Variants in CLOCK observed in about 807,000 individuals in gnomAD.
CLOCK encodes circadian locomoter output cycles protein kaput.
Under a neutral mutation model 118.4 loss-of-function variants are expected in CLOCK, and 43 were observed. The ratio of observed to expected loss-of-function variants is 0.36; its 90% CI spans 0.28 to 0.47. CLOCK has a LOEUF of 0.47. Among genes scored for constraint, CLOCK ranks in the 20% least tolerant of loss-of-function variants. The pLI is 1.00. For missense variants in CLOCK, 846 were observed against 999.9 expected (o/e 0.85, Z 2.08); for synonymous variants, 326 against 339.2 (o/e 0.96, Z 0.43).
chr4:55,503,608 CAA>C (rs1201782962), intron 2 of CLOCK, among the ~76,000 whole-genome samples: 2 of 151,178 alleles, frequency 1.3e-5, no homozygotes. Context: ...AAAGAGTAAA[CAA>C]AAAAAAGTTA....
intron 3 of CLOCK, among the ~76,000 whole-genome samples, chr4:55,488,027 A>G (rs1727411263): frequency 6.6e-6 from 1 of 152,114 alleles, no homozygotes; most frequent in Admixed American, 6.6e-5. Context: ...ATCACTCTTA[A>G]TTAGGCTTTC....
chr4:55,451,214 C>T (rs1034290212), intron 15 of CLOCK, among the ~76,000 whole-genome samples: 7 of 152,152 alleles, frequency 4.6e-5, no homozygotes, highest in African/African-American at 1.2e-4. Flanking sequence ...TGCTACTCCA[C>T]AAAATCTGTT....
chr4:55,543,900 C>G (rs1002913210), intron 1 of CLOCK, among the ~76,000 whole-genome samples: 2 of 151,972 alleles, frequency 1.3e-5, no homozygotes, highest in Non-Finnish European at 2.9e-5. Flanking sequence ...ACATATCAAA[C>G]AGAAATAATA....
intron 15 of CLOCK, among the ~76,000 whole-genome samples, chr4:55,450,692 TGAG>T (rs1025865174): frequency 2.0e-5 from 3 of 151,406 alleles, no homozygotes; most frequent in African/African-American, 7.3e-5. Flanking sequence ...TTCCCTGAAC[TGAG>T]GAGGCGGAGG....
chr4:55,468,806 G>C (rs549648873), intron 8 of CLOCK, among the ~76,000 whole-genome samples: 1 of 152,308 alleles, frequency 6.6e-6, no homozygotes, highest in South Asian at 2.1e-4. Context: ...AAAGTGGTAA[G>C]ACCTTGCACT....
At chr4:55,525,859 T>C (rs1730147605) in intron 1 of CLOCK, among the ~76,000 whole-genome samples, 1 of 96,660 alleles carries the variant, frequency 1.0e-5, no homozygotes, top group Non-Finnish European at 2.0e-5. Context: ...AGTCCTTCCA[T>C]AGTTAGAACT....
intron 7 of CLOCK, among the ~76,000 whole-genome samples, chr4:55,474,807 G>C (rs1173057581): frequency 6.6e-6 from 1 of 152,180 alleles, no homozygotes; most frequent in Non-Finnish European, 1.5e-5. Context: ...CCACTGTTGA[G>C]ACCTACTGGT....
In CLOCK at chr4:55,432,475, T is replaced by C. The variant is rs966549032; in HGVS notation, c.*2940A>G. 15 of 25,422 alleles carry C rather than the reference T, an allele frequency of 5.9e-4. No individual in the cohort carries two copies. Among genetic ancestry groups the C allele is most frequent in the East Asian group, 2.0e-3 (1 of 502 alleles). 1.6% of individuals were successfully genotyped at this position (25,422 alleles called of 1,614,324 possible). On this transcript the variant is annotated 3_prime_UTR_variant, in exon 23 of 23. Coordinates refer to ENST00000513440, the MANE Select transcript of CLOCK (RefSeq NM_004898.4). Reference sequence around the variant, plus strand: ...AGTGAGAATAAAGCAGAGGGAAGACTTTTTTTTTTTTTTTTTTAAAGCTGG... The same window carrying C: ...AGTGAGAATAAAGCAGAGGGAAGACCTTTTTTTTTTTTTTTTTAAAGCTGG...
chr4:55,442,368 AATT>A (rs1224205211), intron 21 of CLOCK, 61 bp downstream of exon 21: 4 of 1,412,470 alleles, frequency 2.8e-6, no homozygotes, highest in East Asian at 2.3e-5. Flanking sequence ...TAAGAAATCA[AATT>A]ATTGTTTTCT....
Position 55,456,406 on chromosome 4 carries a change from T to C in CLOCK, c.793-106A>G, listed in dbSNP as rs1359290307. On this transcript the variant is annotated intron_variant, in intron 11 of 22. Coordinates refer to ENST00000513440, the MANE Select transcript of CLOCK (RefSeq NM_004898.4). Reference sequence around the variant, plus strand: ...GGCCAGGTGCAGTGGCTCACACCTGTAATCCCAGCACTTTGGGAGGCTGAG... The same window carrying C: ...GGCCAGGTGCAGTGGCTCACACCTGCAATCCCAGCACTTTGGGAGGCTGAG... 1.9e-5 allele frequency: 14 copies of C among 720,548 alleles called. No individual in the cohort carries two copies. In the Admixed American group the frequency reaches 3.2e-4, roughly 16 times the overall value. The allele number at this position is 720,548 out of a possible 1,614,324, so 44.6% of individuals were successfully genotyped here. A position where few individuals can be genotyped will look rare whatever the true frequency, so the allele number is the denominator to read the frequency against.
chr4:55,482,411 A>G (rs568811310), intron 4 of CLOCK, among the ~76,000 whole-genome samples: 1 of 152,332 alleles, frequency 6.6e-6, no homozygotes, highest in Admixed American at 6.5e-5. Context: ...ATGAAGTTAG[A>G]TAAGAAGAAA....
At chr4:55,514,674 G>C (rs549794075) in intron 1 of CLOCK, among the ~76,000 whole-genome samples, 1 of 151,956 alleles carries the variant, frequency 6.6e-6, no homozygotes, top group Admixed American at 6.5e-5. Context: ...CATATGATTT[G>C]GTTTTCTTTA....
rs1397814809 is a variant in CLOCK, at chr4:55,438,361, C to G, written c.2282G>C (p.Ser761Thr). The change falls in exon 22 of 23, where the codon AGC becomes ACC. Residue 761 changes from serine to threonine, a missense_variant. Transcript: ENST00000513440. ...TGAAGTGAGCTGCTGCTCCTGGGAGCTCTGCTGCTGCTGCTGCTGCGTTAC... is the reference window on the plus strand; with the variant it reads ...TGAAGTGAGCTGCTGCTCCTGGGAGGTCTGCTGCTGCTGCTGCTGCGTTAC... ...LSVTQQQQQQ[S>T]SQEQQLTSVQ... 4 of 1,613,670 alleles carry G rather than the reference C, an allele frequency of 2.5e-6. No homozygotes were observed. The South Asian group carries it at 4.4e-5, about 18-fold the overall frequency.
chr4:55,485,377 G>A (rs1206246469), intron 3 of CLOCK, among the ~76,000 whole-genome samples: 1 of 152,174 alleles, frequency 6.6e-6, no homozygotes, highest in Non-Finnish European at 1.5e-5. Context: ...GCACCCTAGA[G>A]CAAATGTTAG....
rs1285825827 is a variant in CLOCK, at chr4:55,449,484, T to C, written c.1361A>G (p.Lys454Arg). ...TGGAGTGCTCGTATCCGTCGGGATC[T>C]TGGTTGGTGTTGCTGAAGTCAACAA... The part of the protein sequence containing the change: ...AVSDPSSTPT[K>R]IPTDTSTPPR... Residue 454 changes from lysine (K) to arginine (R), a missense_variant, in exon 17 of 23, where the codon AAG becomes AGG. By Grantham distance (26) the Lys-to-Arg change is conservative. This residue lies in a region of CLOCK where 520 missense variants were observed against 558.0 expected (regional missense o/e 0.93). Coordinates refer to ENST00000513440, the MANE Select transcript of CLOCK (RefSeq NM_004898.4). 2.5e-6 allele frequency: 4 copies of C among 1,613,896 alleles called. No individual in the cohort carries two copies. The Admixed American group carries it at 5.0e-5, about 20-fold the overall frequency.
At chr4:55,523,521 T>C (rs925327879) in intron 1 of CLOCK, among the ~76,000 whole-genome samples, 4 of 152,160 alleles carry the variant, frequency 2.6e-5, no homozygotes, top group African/African-American at 7.2e-5. Context: ...AAATTAAACA[T>C]ATCACAACCA....
chr4:55,449,956 G>A, intron 16 of CLOCK, 135 bp downstream of exon 16: 1 of 1,095,638 alleles, frequency 9.1e-7, no homozygotes, highest in Non-Finnish European at 1.3e-6. Context: ...TTAACTCACT[G>A]GAAAGGTTAC....
At chr4:55,543,279 T>A (rs1385878934) in intron 1 of CLOCK, among the ~76,000 whole-genome samples, 1 of 152,076 alleles carries the variant, frequency 6.6e-6, no homozygotes, top group East Asian at 1.9e-4. Context: ...CCCTCACTAG[T>A]GAAAAGATGA....
At chr4:55,442,240 G>T in intron 21 of CLOCK, 192 bp downstream of exon 21, 1 of 584,220 alleles carries the variant, frequency 1.7e-6, no homozygotes, top group Middle Eastern at 4.6e-4. Context: ...AAAAAAATTT[G>T]TTGTTACCCT....
Sources: allele counts gnomAD v4.1 joint callset (sites outside exome capture counted in the v4.1 genomes callset), GRCh38; gene constraint gnomAD v4.1.1; regional missense constraint gnomAD v4.1.1; transcripts MANE v1.5; gene names NCBI Gene and HGNC (gene_info 2026-07-23, HGNC 2026-07-21).